The following METTL25 variants were observed in gnomAD, a reference collection of about 807,000 sequenced individuals.
The protein encoded by METTL25 is methyltransferase like 25, also known as probable methyltransferase-like protein 25.
A neutral mutation model predicts 71.6 loss-of-function variants in METTL25; 64 were observed. The observed-to-expected ratio is 0.89, with a 90% CI of 0.73 to 1.10. The LOEUF (loss-of-function observed/expected upper bound fraction) is 1.10, where lower values mean the gene tolerates loss of function less well. METTL25 is among the 50% of genes least tolerant of loss of function. METTL25 has a pLI of 0.00. For missense variants in METTL25, 807 were observed against 707.0 expected, an observed-to-expected ratio of 1.14 and a Z score of -1.60; for synonymous variants, 287 against 250.3, an observed-to-expected ratio of 1.15 and a Z score of -1.38.
chr12:82,456,879 G>A, intron 9 of METTL25, 59 bp downstream of exon 9: 1 of 753,386 alleles, frequency 1.3e-6, no homozygotes, highest in Non-Finnish European at 2.0e-6. Context: ...ATTTTGTAAT[G>A]AATTGAGAGA....
chr12:82,420,781 T>C (rs1376558260), intron 5 of METTL25, among the ~76,000 whole-genome samples: 1 of 151,982 alleles, frequency 6.6e-6, no homozygotes, highest in African/African-American at 2.4e-5. Context: ...GGTCTTAATA[T>C]TAAAAGGAGA....
intron 8 of METTL25, among the ~76,000 whole-genome samples, chr12:82,447,142 GA>G (rs937286020): frequency 6.6e-6 from 1 of 150,566 alleles, no homozygotes; most frequent in Non-Finnish European, 1.5e-5. Context: ...AATTGAGACT[GA>G]AAAAAAACCC....
intron 9 of METTL25, among the ~76,000 whole-genome samples, chr12:82,465,598 A>G (rs1323380483): frequency 6.6e-6 from 1 of 151,710 alleles, no homozygotes; most frequent in Non-Finnish European, 1.5e-5. Context: ...TTTTGGTTTC[A>G]GCGTTATGCT....
chr12:82,387,531 A>G (rs1455993119), intron 2 of METTL25, among the ~76,000 whole-genome samples: 1 of 151,944 alleles, frequency 6.6e-6, no homozygotes, highest in Non-Finnish European at 1.5e-5. Flanking sequence ...CTTTTATCTT[A>G]CACAAACCTC....
chr12:82,395,017 T>G (rs1885946939), intron 3 of METTL25, among the ~76,000 whole-genome samples: 1 of 151,784 alleles, frequency 6.6e-6, no homozygotes. Flanking sequence ...AGACAGGACA[T>G]TAAGTTGCAA....
intron 1 of METTL25, among the ~76,000 whole-genome samples, chr12:82,386,125 T>C (rs1487388774): frequency 6.6e-6 from 1 of 152,092 alleles, no homozygotes; most frequent in Non-Finnish European, 1.5e-5. Context: ...GGGAAGAAAA[T>C]GAGTTGTTTT....
At chr12:82,434,798 A>C (rs1187256230) in intron 7 of METTL25, 74 bp downstream of exon 7, 1 of 1,160,672 alleles carries the variant, frequency 8.6e-7, no homozygotes, top group Non-Finnish European at 1.3e-6. Context: ...CTGCTGATGA[A>C]CTTAAAACCT....
intron 1 of METTL25, among the ~76,000 whole-genome samples, chr12:82,385,323 A>T (rs1331263344): frequency 6.6e-6 from 1 of 151,884 alleles, no homozygotes; most frequent in African/African-American, 2.4e-5. Context: ...GTGTTTAAGA[A>T]TTTTTTTTAA....
Position 82,438,737 on chromosome 12 carries a change from T to C in METTL25, c.1424T>C (p.Phe475Ser). 6.5e-7 allele frequency: 1 copy of C among 1,536,268 alleles called. No individual in the cohort carries two copies. Among genetic ancestry groups the C allele is most frequent in the African/African-American group, 1.4e-5 (1 of 71,996 alleles). ...AGQGLPTESL[F>S]YRAVLQDIIK... ...TTTCAGCTGCCTACTGAATCACTCT[T>C]CTATCGTGCTGTTCTTCAGGATATT... Residue 475 changes from phenylalanine (F) to serine (S), a missense_variant, in exon 8 of 12, where the codon TTC becomes TCC. Phe to Ser is a radical substitution (Grantham distance 155). Coordinates refer to ENST00000248306, the MANE Select transcript of METTL25 (RefSeq NM_032230.3).
chr12:82,455,617 T>C (rs1891435992), intron 8 of METTL25, among the ~76,000 whole-genome samples: 1 of 151,890 alleles, frequency 6.6e-6, no homozygotes, highest in Non-Finnish European at 1.5e-5. Flanking sequence ...GTGTAATCCA[T>C]TAAGAGGAAA....
At position 82,399,376 on chromosome 12, in the gene METTL25, CATT is replaced by C. The variant is rs751689941; in HGVS notation, c.1118_1120del (p.Ile373del). 3 of 1,574,782 alleles carry C rather than the reference CATT, an allele frequency of 1.9e-6. No homozygotes were observed. Among genetic ancestry groups the C allele is most frequent in the Non-Finnish European group, 2.6e-6 (3 of 1,165,440 alleles). On this transcript the variant is annotated inframe_deletion, in exon 4 of 12. Transcript: ENST00000248306. ...TCACTGCTGATTCAGAACTCCATGA[CATT>C]ATTAAAGATTTGGAGGTGACTTTAC...
At chr12:82,364,456 G>A (rs1882332350) in intron 1 of METTL25, among the ~76,000 whole-genome samples, 1 of 152,170 alleles carries the variant, frequency 6.6e-6, no homozygotes, top group Admixed American at 6.5e-5. Flanking sequence ...ACATGATTAT[G>A]AAGTTGGCAT....
chr12:82,445,676 G>A (rs934312819), intron 8 of METTL25, among the ~76,000 whole-genome samples: 5 of 152,134 alleles, frequency 3.3e-5, no homozygotes, highest in Non-Finnish European at 5.9e-5. Context: ...AAGTGCTCCC[G>A]ATATGCAGAG....
At chr12:82,392,434 C>T (rs1224668679) in intron 3 of METTL25, among the ~76,000 whole-genome samples, 1 of 151,954 alleles carries the variant, frequency 6.6e-6, no homozygotes, top group African/African-American at 2.4e-5. Flanking sequence ...AGGACATGAA[C>T]TCATCATTTT....
chr12:82,384,954 A>T (rs1036533884), intron 1 of METTL25, among the ~76,000 whole-genome samples: 1 of 152,168 alleles, frequency 6.6e-6, no homozygotes, highest in Non-Finnish European at 1.5e-5. Context: ...AATTTCACTT[A>T]ATAGTTGACT....
intron 1 of METTL25, among the ~76,000 whole-genome samples, chr12:82,376,458 A>T (rs1883865897): frequency 6.6e-6 from 1 of 152,152 alleles, no homozygotes; most frequent in Non-Finnish European, 1.5e-5. Flanking sequence ...TTTCAATGTC[A>T]TTTTATTGGG....
chr12:82,458,571 A>G (rs1387496994), intron 9 of METTL25, among the ~76,000 whole-genome samples: 2 of 151,904 alleles, frequency 1.3e-5, no homozygotes, highest in African/African-American at 4.8e-5. Context: ...ATAAGAGACC[A>G]CCCACACCTT....
chr12:82,394,221 A>G (rs1158161988), intron 3 of METTL25, among the ~76,000 whole-genome samples: 2 of 152,054 alleles, frequency 1.3e-5, no homozygotes, highest in African/African-American at 4.8e-5. Flanking sequence ...TCCATAGTGC[A>G]GATTATGTCT....
rs113220428 is a variant in METTL25, at chr12:82,425,723, A to C, written c.1280-5170A>C. Among the ~76,000 whole-genome samples the C allele has an allele frequency of 3.7e-4, 57 of 152,226 alleles. 1 individual carries two copies. Among genetic ancestry groups the C allele is most frequent in the African/African-American group, 1.3e-3 (55 of 41,568 alleles). The stretch of plus-strand genomic sequence containing the variant: ...TTAATGAGTAGGTATTGCATTACCA[A>C]GTTAGTAGCTAATGAAGACTGAATA... On this transcript the variant is annotated intron_variant, in intron 5 of 11. Transcript: ENST00000248306.
Sources: allele counts gnomAD v4.1 joint callset (sites outside exome capture counted in the v4.1 genomes callset), GRCh38; gene constraint gnomAD v4.1.1; transcripts MANE v1.5; gene names NCBI Gene and HGNC (gene_info 2026-07-23, HGNC 2026-07-21).